SPON1: variants seen among roughly 807,000 people sequenced by gnomAD.
The protein encoded by SPON1 is spondin-1.
Under a neutral mutation model 111.7 loss-of-function variants are expected in SPON1, and 52 were observed. The ratio of observed to expected loss-of-function variants is 0.47; its 90% CI spans 0.37 to 0.59. The LOEUF (loss-of-function observed/expected upper bound fraction) is 0.59, where lower values mean the gene tolerates loss of function less well. Among genes scored for constraint, SPON1 ranks in the 20% least tolerant of loss-of-function variants. SPON1 has a pLI of 0.00. For missense variants in SPON1, 957 were observed against 1,068.5 expected (o/e 0.90, Z 1.46); for synonymous variants, 410 against 395.8 (o/e 1.04, Z -0.43).
intron 5 of SPON1, among the ~76,000 whole-genome samples, chr11:14,081,220 C>T (rs1554922013): frequency 6.6e-6 from 1 of 152,112 alleles, no homozygotes. Flanking sequence ...ATTGTCTCAA[C>T]AAACGCCTAA....
At chr11:14,149,530 A>G (rs918893018) in intron 6 of SPON1, among the ~76,000 whole-genome samples, 4 of 152,180 alleles carry the variant, frequency 2.6e-5, no homozygotes, top group Admixed American at 6.6e-5. Flanking sequence ...CTAAGTGTAC[A>G]GTGTTTATTA....
chr11:14,021,215 C>T (rs1302605053), intron 2 of SPON1, among the ~76,000 whole-genome samples: 2 of 152,032 alleles, frequency 1.3e-5, no homozygotes, highest in Non-Finnish European at 2.9e-5. Flanking sequence ...AGGGAAGCTA[C>T]CATTTCTGTT....
In SPON1 at chr11:14,255,715, T is replaced by C. The variant is rs782633360; in HGVS notation, c.1161T>C (p.Ser387=). Residue 387 remains serine, a synonymous_variant, in exon 9 of 16, where the codon AGT becomes AGC. Coordinates refer to ENST00000576479, the MANE Select transcript of SPON1 (RefSeq NM_006108.4). ...RPLTSLDHPQ[S]PFYDPEGGSI... ...TGACCAGCCTGGACCATCCTCAGAG[T>C]CCTTTCTATGACCCAGAGGGTGGGT... The C allele has an allele frequency of 6.2e-7, 1 of 1,613,404 alleles. No individual in the cohort carries two copies. The highest frequency in any genetic ancestry group is 8.5e-7 in the Non-Finnish European group (1 of 1,179,740).
intron 5 of SPON1, among the ~76,000 whole-genome samples, chr11:14,122,577 C>A (rs1401949038): frequency 2.6e-5 from 4 of 152,142 alleles, no homozygotes; most frequent in African/African-American, 9.7e-5. Context: ...GTCATTTATA[C>A]CCTAGTTCAT....
intron 6 of SPON1, among the ~76,000 whole-genome samples, chr11:14,163,378 T>A (rs1340447000): frequency 1.3e-5 from 2 of 152,142 alleles, no homozygotes; most frequent in African/African-American, 4.8e-5. Flanking sequence ...ACTAAGTGCA[T>A]CCCTTGTCAT....
At position 14,265,878 on chromosome 11, in the gene SPON1, C is replaced by T. The variant is rs1024669732; in HGVS notation, c.*191C>T. 2.4e-5 allele frequency: 14 copies of T among 587,738 alleles called. No individual in the cohort carries two copies. The highest frequency in any genetic ancestry group is 3.1e-5 in the Non-Finnish European group (11 of 350,358). 36.4% of individuals were successfully genotyped at this position (587,738 alleles called of 1,614,324 possible). On this transcript the variant is annotated 3_prime_UTR_variant, in exon 16 of 16. Transcript: ENST00000576479. Reference sequence around the variant, plus strand: ...CTTGATGGGTACAGGCTGAGTGGGGCGCCCTCACCTCCAGCCAGCCTCTTC... The same window carrying T: ...CTTGATGGGTACAGGCTGAGTGGGGTGCCCTCACCTCCAGCCAGCCTCTTC...
intron 6 of SPON1, among the ~76,000 whole-genome samples, chr11:14,153,870 G>A (rs574296061): frequency 6.6e-6 from 1 of 152,312 alleles, no homozygotes; most frequent in South Asian, 2.1e-4. Context: ...TGTTCCAAAA[G>A]GGATAAATTG....
intron 2 of SPON1, among the ~76,000 whole-genome samples, chr11:14,027,968 T>C (rs1554915571): frequency 6.6e-6 from 1 of 152,226 alleles, no homozygotes; most frequent in Non-Finnish European, 1.5e-5. Flanking sequence ...AACCTGTTTA[T>C]CAGTGATTTT....
intron 6 of SPON1, among the ~76,000 whole-genome samples, chr11:14,139,673 C>T (rs912111317): frequency 6.6e-6 from 1 of 150,478 alleles, no homozygotes; most frequent in Admixed American, 6.6e-5. Flanking sequence ...CTTCATGAGC[C>T]TACATCCTAA....
At chr11:13,991,220 T>C (rs1239512966) in intron 2 of SPON1, among the ~76,000 whole-genome samples, 2 of 152,220 alleles carry the variant, frequency 1.3e-5, no homozygotes, top group African/African-American at 2.4e-5. Context: ...CCATCAAACA[T>C]AGATTTGGTC....
At chr11:14,214,689 A>C (rs1385978673) in intron 6 of SPON1, among the ~76,000 whole-genome samples, 3 of 152,206 alleles carry the variant, frequency 2.0e-5, no homozygotes, top group African/African-American at 7.2e-5. Flanking sequence ...GCTGTGCATT[A>C]ATTTCAAGAG....
At chr11:14,129,829 T>G (rs1295848662) in intron 5 of SPON1, among the ~76,000 whole-genome samples, 1 of 152,134 alleles carries the variant, frequency 6.6e-6, no homozygotes, top group Admixed American at 6.5e-5. Context: ...CTTACAATCA[T>G]GGCAGAAGGT....
At chr11:14,026,135 T>C (rs1438876904) in intron 2 of SPON1, among the ~76,000 whole-genome samples, 1 of 152,192 alleles carries the variant, frequency 6.6e-6, no homozygotes, top group Non-Finnish European at 1.5e-5. Context: ...CAGAGGGAAA[T>C]GCTCTCTTTG....
chr11:14,054,816 C>A (rs1221937819), intron 3 of SPON1, among the ~76,000 whole-genome samples: 1 of 152,200 alleles, frequency 6.6e-6, no homozygotes, highest in African/African-American at 2.4e-5. Flanking sequence ...GCCAGGATCT[C>A]CCGCTCTTAC....
intron 5 of SPON1, among the ~76,000 whole-genome samples, chr11:14,103,815 T>C (rs1849164146): frequency 6.6e-6 from 1 of 152,240 alleles, no homozygotes; most frequent in Admixed American, 6.5e-5. Context: ...TGCTGTATGT[T>C]TAATTATGCT....
intron 2 of SPON1, among the ~76,000 whole-genome samples, chr11:13,987,496 G>A (rs1713321170): frequency 1.3e-5 from 2 of 152,132 alleles, no homozygotes. Flanking sequence ...CTCCCATTCT[G>A]TAGGTTGCCT....
chr11:13,982,922 A>G lies in SPON1; in HGVS notation c.314A>G (p.Asp105Gly). 6.4e-7 allele frequency: 1 copy of G among 1,557,342 alleles called. No individual in the cohort carries two copies. The highest frequency in any genetic ancestry group is 2.4e-5 in the East Asian group (1 of 41,488). Residue 105 changes from aspartate to glycine, a missense_variant, in exon 2 of 16, where the codon GAT (aspartate) becomes GGT (glycine). This residue lies in a region of SPON1 where 262 missense variants were observed against 253.9 expected (regional missense o/e 1.03). Coordinates refer to ENST00000576479, the MANE Select transcript of SPON1 (RefSeq NM_006108.4). Reference sequence around the variant, plus strand: ...GCCCTCAGAGAGAACAGAGAGGGTGATAAGGAAGAAGACCATGCTGGGACC... The same window carrying G: ...GCCCTCAGAGAGAACAGAGAGGGTGGTAAGGAAGAAGACCATGCTGGGACC... ...LIALRENREG[D>G]KEEDHAGTFQ...
intron 6 of SPON1, among the ~76,000 whole-genome samples, chr11:14,160,495 T>TTA (rs1288645885): frequency 9.2e-5 from 1 of 10,886 alleles, no homozygotes; most frequent in East Asian, 9.1e-3. Flanking sequence ...ATATATATAT[T>TTA]TACATATATA....
chr11:14,243,253 A>G, intron 6 of SPON1, 79 bp from the exon 7 acceptor site: 1 of 1,335,718 alleles, frequency 7.5e-7, no homozygotes. Flanking sequence ...GTGGGGGTGA[A>G]TGGTGTCACC....
Sources: allele counts gnomAD v4.1 joint callset (sites outside exome capture counted in the v4.1 genomes callset), GRCh38; gene constraint gnomAD v4.1.1; regional missense constraint gnomAD v4.1.1; transcripts MANE v1.5; gene names NCBI Gene and HGNC (gene_info 2026-07-23, HGNC 2026-07-21).